The following TYW1B variants were observed in gnomAD, a reference collection of about 807,000 sequenced individuals.
TYW1B encodes the protein S-adenosyl-L-methionine-dependent tRNA 4-demethylwyosine synthase TYW1B.
In TYW1B, 73 loss-of-function variants were observed where a neutral mutation model predicts 86.9. The observed-to-expected ratio is 0.84, with a 90% CI of 0.70 to 1.02. The LOEUF (loss-of-function observed/expected upper bound fraction) is 1.02. Among genes scored for constraint, TYW1B ranks in the 50% least tolerant of loss-of-function variants. The pLI is 0.00. For missense variants in TYW1B, 637 were observed against 827.4 expected, an observed-to-expected ratio of 0.77 and a Z score of 2.82; for synonymous variants, 248 against 292.8, an observed-to-expected ratio of 0.85 and a Z score of 1.56.
At chr7:72,772,690 C>T (rs532868725) in intron 7 of TYW1B, among the ~76,000 whole-genome samples, 1 of 152,272 alleles carries the variant, frequency 6.6e-6, no homozygotes, top group East Asian at 1.9e-4. Flanking sequence ...GCATTCAATA[C>T]CGTTTCTCAT....
intron 6 of TYW1B, among the ~76,000 whole-genome samples, chr7:72,784,355 T>C (rs566186164): frequency 6.6e-6 from 1 of 152,344 alleles, no homozygotes; most frequent in East Asian, 1.9e-4. Flanking sequence ...TTACCAGCCA[T>C]CTGATGATGG....
At chr7:72,642,147 A>G (rs1284998104) in intron 11 of TYW1B, among the ~76,000 whole-genome samples, 1 of 152,218 alleles carries the variant, frequency 6.6e-6, no homozygotes, top group Non-Finnish European at 1.5e-5. Context: ...TTTTCAACAC[A>G]TGGTACTGAG....
At chr7:72,705,045 C>T (rs1814580469) in intron 10 of TYW1B, among the ~76,000 whole-genome samples, 1 of 152,004 alleles carries the variant, frequency 6.6e-6, no homozygotes, top group Admixed American at 6.6e-5. Context: ...AGAATCAGGC[C>T]GTATTTACTT....
At chr7:72,588,523 C>T (rs1410662781) in intron 13 of TYW1B, among the ~76,000 whole-genome samples, 2 of 152,150 alleles carry the variant, frequency 1.3e-5, no homozygotes, top group Admixed American at 6.5e-5. Flanking sequence ...TCTTCTTCCC[C>T]TCCCTTCACA....
At chr7:72,591,967 G>A (rs1321752316) in intron 13 of TYW1B, among the ~76,000 whole-genome samples, 7 of 151,510 alleles carry the variant, frequency 4.6e-5, no homozygotes, top group Non-Finnish European at 7.4e-5. Context: ...GGGAATACAG[G>A]CGCCCGCCAC....
rs557097877 is a variant in TYW1B, at chr7:72,723,229, G to A, written c.1192+5593C>T. ...CTCCTTCCCTTTCCCCTGGTCCCCT[G>A]TCCCTGGGGTTATTTGTTAAAAAAA... On this transcript the variant is annotated intron_variant, in intron 9 of 13. Transcript: ENST00000620995. 67 of 355,822 alleles carry A rather than the reference G, an allele frequency of 1.9e-4. No homozygotes were observed. In the South Asian group the frequency reaches 8.6e-3, roughly 45 times the overall value. 22.0% of individuals were successfully genotyped at this position (355,822 alleles called of 1,614,324 possible).
chr7:72,746,440 G>A (rs1297463857), intron 7 of TYW1B, among the ~76,000 whole-genome samples: 2 of 152,286 alleles, frequency 1.3e-5, no homozygotes, highest in Non-Finnish European at 2.9e-5. Flanking sequence ...AAAATCTCAT[G>A]CCACTAGAGA....
chr7:72,737,460 A>G (rs1554461167), intron 8 of TYW1B, among the ~76,000 whole-genome samples: 1 of 152,204 alleles, frequency 6.6e-6, no homozygotes, highest in Non-Finnish European at 1.5e-5. Context: ...GGCTATGAAC[A>G]GGAAATTAAG....
At chr7:72,722,103 T>C (rs782815908) in intron 9 of TYW1B, among the ~76,000 whole-genome samples, 1 of 152,206 alleles carries the variant, frequency 6.6e-6, no homozygotes, top group Non-Finnish European at 1.5e-5. Flanking sequence ...ACCTGTTTGA[T>C]ACAGATACTC....
chr7:72,618,143 C>A (rs1287294692), intron 12 of TYW1B, among the ~76,000 whole-genome samples: 1 of 151,248 alleles, frequency 6.6e-6, no homozygotes, highest in Non-Finnish European at 1.5e-5. Flanking sequence ...CACTCACAGA[C>A]ACACACACAA....
chr7:72,694,038 G>A (rs1645901267), intron 11 of TYW1B, among the ~76,000 whole-genome samples: 1 of 152,028 alleles, frequency 6.6e-6, no homozygotes, highest in African/African-American at 2.4e-5. Flanking sequence ...TTGGCTCACT[G>A]CGGCCTCCAC....
At chr7:72,785,065 C>T (rs1172842994) in intron 6 of TYW1B, among the ~76,000 whole-genome samples, 1 of 152,020 alleles carries the variant, frequency 6.6e-6, no homozygotes, top group Non-Finnish European at 1.5e-5. Flanking sequence ...CCCACTCCCC[C>T]CATATCTCCA....
chr7:72,601,962 C>A (rs1389941416), intron 13 of TYW1B, among the ~76,000 whole-genome samples: 1 of 152,134 alleles, frequency 6.6e-6, no homozygotes, highest in Non-Finnish European at 1.5e-5. Flanking sequence ...CTAAGTGATA[C>A]TGTCATGATA....
rs201021697 is a variant in TYW1B at position 72,800,656 on chromosome 7, TGTG to T, written c.846+1741_846+1743del. ...ACTACAGTTTTAATTAGAGATACCT[TGTG>T]GTATGTTTCAATATGTGGGAGTCTT... is the stretch of plus-strand genomic sequence containing the variant. On this transcript the variant is annotated intron_variant, in intron 6 of 13. Coordinates refer to ENST00000620995, the MANE Select transcript of TYW1B (RefSeq NM_001145440.3). Among the ~76,000 whole-genome samples the T allele has an allele frequency of 4.1e-3, 617 of 149,290 alleles. 4 individuals carry two copies. The highest frequency in any genetic ancestry group is 0.014 in the African/African-American group (585 of 40,380).
intron 6 of TYW1B, among the ~76,000 whole-genome samples, chr7:72,789,367 C>A (rs781842878): frequency 6.6e-6 from 1 of 151,316 alleles, no homozygotes; most frequent in Non-Finnish European, 1.5e-5. Flanking sequence ...AACTCCTGAC[C>A]TCAGGTGATC....
chr7:72,618,618 G>T (rs1408255725), intron 12 of TYW1B, among the ~76,000 whole-genome samples: 4 of 152,122 alleles, frequency 2.6e-5, no homozygotes, highest in Admixed American at 6.6e-5. Flanking sequence ...CCAAACACTC[G>T]ACTCAAGACA....
intron 8 of TYW1B, among the ~76,000 whole-genome samples, chr7:72,737,717 T>G (rs36047595): frequency 3.9e-5 from 6 of 152,198 alleles, no homozygotes; most frequent in African/African-American, 1.2e-4. Context: ...AGCGCTCACC[T>G]TATAATATCT....
chr7:72,751,317 CGTGA>C (rs1563081891), intron 7 of TYW1B, among the ~76,000 whole-genome samples: 1 of 152,140 alleles, frequency 6.6e-6, no homozygotes, highest in Non-Finnish European at 1.5e-5. Context: ...GGACTACATG[CGTGA>C]GCCATCACAC....
intron 11 of TYW1B, among the ~76,000 whole-genome samples, chr7:72,682,198 G>T (rs1480582759): frequency 1.3e-5 from 2 of 151,342 alleles, no homozygotes; most frequent in African/African-American, 2.4e-5. Context: ...TATATAGAAA[G>T]ATATGACACT....
Sources: allele counts gnomAD v4.1 joint callset (sites outside exome capture counted in the v4.1 genomes callset), GRCh38; gene constraint gnomAD v4.1.1; transcripts MANE v1.5; gene names NCBI Gene and HGNC (gene_info 2026-07-23, HGNC 2026-07-21).